Variants in RYR3 observed in about 807,000 individuals in gnomAD.
RYR3 encodes ryanodine receptor 3, also known as brain ryanodine receptor-calcium release channel.
RYR3 carries 207 observed loss-of-function variants against 584.3 expected under a neutral mutation model. The ratio of observed to expected loss-of-function variants is 0.35; its 90% CI spans 0.32 to 0.40. The LOEUF is 0.40. RYR3 is among the 10% of genes least tolerant of loss of function. RYR3 has a pLI of 1.00. For missense variants in RYR3, 5,616 were observed against 6,089.2 expected (o/e 0.92, Z 2.59); for synonymous variants, 2,416 against 2,248.5 (o/e 1.07, Z -2.11).
chr15:33,713,730 G>A (rs1235292009), intron 43 of RYR3, among the ~76,000 whole-genome samples: 1 of 152,166 alleles, frequency 6.6e-6, no homozygotes, highest in African/African-American at 2.4e-5. Flanking sequence ...TGAAAGCTGG[G>A]AAGTCCAGGA....
At position 33,323,774 on chromosome 15, in the gene RYR3, A is replaced by T. The variant is rs1969324645; in HGVS notation, c.51+12678A>T. Among the ~76,000 whole-genome samples the T allele has an allele frequency of 2.0e-5, 3 of 152,126 alleles. No individual in the cohort carries two copies. The South Asian group carries it at 6.2e-4, about 32-fold the overall frequency. On this transcript the variant is annotated intron_variant, in intron 1 of 103. Transcript: ENST00000634891. ...TGTGCTTGACTCCCAGCTGTTTGGGAGGTGGTAACTTTGACTGTCCCCTGG... is the reference window on the plus strand; with the variant it reads ...TGTGCTTGACTCCCAGCTGTTTGGGTGGTGGTAACTTTGACTGTCCCCTGG...
intron 27 of RYR3, among the ~76,000 whole-genome samples, chr15:33,643,332 C>A (rs1297125706): frequency 6.6e-6 from 1 of 152,188 alleles, no homozygotes; most frequent in Admixed American, 6.5e-5. Context: ...ACATAATTAG[C>A]GCTTTCCCTG....
intron 3 of RYR3, among the ~76,000 whole-genome samples, chr15:33,509,535 A>C (rs2052785458): frequency 6.6e-6 from 1 of 152,236 alleles, no homozygotes; most frequent in Admixed American, 6.5e-5. Context: ...CCATTTTTAC[A>C]TGTTTTAATA....
At chr15:33,777,945 G>A (rs916828398) in intron 64 of RYR3, among the ~76,000 whole-genome samples, 3 of 152,044 alleles carry the variant, frequency 2.0e-5, no homozygotes, top group South Asian at 2.1e-4. Context: ...AGAGGCGGGC[G>A]GATCACCTGA....
rs1456508769 is a variant in RYR3 at position 33,662,368 on chromosome 15, T to A, written c.4838T>A (p.Ile1613Asn). ...GGTTTCTATGACCTGCTCATCAGCA[T>A]CCACCTGGCCAGCGCCAAGGAGAGG... ...RSGFYDLLIS[I>N]HLASAKERKL... The change falls in exon 35 of 104, where the codon ATC (isoleucine) becomes AAC (asparagine). Residue 1613 changes from isoleucine (I) to asparagine (N), a missense_variant. Ile to Asn is a moderately radical substitution (Grantham distance 149). Around this residue, in one of 9 missense-constraint regions of RYR3, gnomAD observed 753 missense variants for 741.0 expected, o/e 1.02. Transcript: ENST00000634891. 4 of 1,613,042 alleles carry A rather than the reference T, an allele frequency of 2.5e-6. No individual in the cohort carries two copies. The highest frequency in any genetic ancestry group is 1.1e-5 in the South Asian group (1 of 90,798).
chr15:33,350,325 C>T (rs1973072651), intron 1 of RYR3, among the ~76,000 whole-genome samples: 1 of 152,070 alleles, frequency 6.6e-6, no homozygotes, highest in Admixed American at 6.6e-5. Context: ...GCTTTAACAC[C>T]CCACTGCCAA....
chr15:33,632,951 A>G lies in RYR3; in HGVS notation c.2870A>G (p.Tyr957Cys), dbSNP rs750879790. Residue 957 changes from tyrosine (Y) to cysteine (C), a missense_variant and splice_region_variant, in exon 24 of 104, where the codon TAT becomes TGT. Coordinates refer to ENST00000634891, the MANE Select transcript of RYR3 (RefSeq NM_001036.6). ...TATACTTTTACATTTACTTGTAGCT[A>G]TATGATGTCCAACGGCTATAAGCCA... ...DLKKVKLPKN[Y>C]MMSNGYKPAP... 27 of 1,611,474 alleles carry G rather than the reference A, an allele frequency of 1.7e-5. No individual in the cohort carries two copies. The South Asian group carries it at 2.7e-4, about 16-fold the overall frequency.
At chr15:33,765,173 A>G (rs978399130) in intron 60 of RYR3, among the ~76,000 whole-genome samples, 5 of 152,160 alleles carry the variant, frequency 3.3e-5, no homozygotes, top group Non-Finnish European at 7.3e-5. Flanking sequence ...TACTCATTCC[A>G]CTAGGTTAAC....
chr15:33,493,333 T>C (rs551280085), intron 2 of RYR3, among the ~76,000 whole-genome samples: 4 of 152,336 alleles, frequency 2.6e-5, no homozygotes, highest in African/African-American at 9.6e-5. Flanking sequence ...TTTTCTGATA[T>C]GCAAGCTCTT....
intron 2 of RYR3, among the ~76,000 whole-genome samples, chr15:33,496,600 A>G (rs1268805263): frequency 1.3e-5 from 2 of 152,216 alleles, no homozygotes; most frequent in East Asian, 1.9e-4. Context: ...TGCTACTTCA[A>G]TTAATGAAAT....
At chr15:33,468,011 A>G (rs1181387205) in intron 1 of RYR3, among the ~76,000 whole-genome samples, 1 of 152,066 alleles carries the variant, frequency 6.6e-6, no homozygotes, top group African/African-American at 2.4e-5. Context: ...ATTCATACCT[A>G]TTGCTAAGGT....
intron 7 of RYR3, 140 bp from the exon 8 acceptor site, chr15:33,543,482 G>A (rs989789317): frequency 7.6e-6 from 5 of 654,846 alleles, no homozygotes; most frequent in African/African-American, 7.2e-5. Context: ...CTGCATTCAT[G>A]GAATATGTAG....
chr15:33,677,008 AC>A (rs2064228048), intron 38 of RYR3, among the ~76,000 whole-genome samples: 1 of 152,030 alleles, frequency 6.6e-6, no homozygotes, highest in Admixed American at 6.6e-5. Flanking sequence ...ACTTCACCTT[AC>A]CTCGTTTGAT....
chr15:33,315,206 T>C (rs1304047009), intron 1 of RYR3, among the ~76,000 whole-genome samples: 1 of 152,172 alleles, frequency 6.6e-6, no homozygotes, highest in Non-Finnish European at 1.5e-5. Context: ...TCACGTGAGC[T>C]CATGTCTCTC....
At chr15:33,796,173 C>T (rs572000562) in intron 67 of RYR3, among the ~76,000 whole-genome samples, 5 of 152,144 alleles carry the variant, frequency 3.3e-5, no homozygotes, top group Non-Finnish European at 5.9e-5. Flanking sequence ...CTCGCTCTGT[C>T]GCCCAGGCTG....
In RYR3 at chr15:33,785,754, G is replaced by A; in HGVS notation, c.9361G>A (p.Gly3121Arg). 2 of 1,613,948 alleles carry A rather than the reference G, an allele frequency of 1.2e-6. No individual in the cohort carries two copies. Among genetic ancestry groups the A allele is most frequent in the Non-Finnish European group, 8.5e-7 (1 of 1,179,852 alleles). ...GGAAATCAACGACCTGGCCGAGTCA[G>A]GGGCCCGGTACACAGAGATGCCCCA... ...MKEINDLAES[G>R]ARYTEMPHVI... is the part of the protein sequence containing the mutation. Residue 3121 changes from glycine (G) to arginine (R), a missense_variant, in exon 66 of 104, where the codon GGG becomes AGG. Coordinates refer to ENST00000634891, the MANE Select transcript of RYR3 (RefSeq NM_001036.6).
chr15:33,706,857 GT>G, intron 42 of RYR3, 61 bp from the exon 43 acceptor site: 1 of 1,473,782 alleles, frequency 6.8e-7, no homozygotes, highest in Non-Finnish European at 9.2e-7. Flanking sequence ...ATTTTTTGAG[GT>G]GTGTTTTTTA....
At chr15:33,576,110 A>G (rs1211701372) in intron 12 of RYR3, among the ~76,000 whole-genome samples, 1 of 152,210 alleles carries the variant, frequency 6.6e-6, no homozygotes, top group Non-Finnish European at 1.5e-5. Context: ...AAATTGAGGC[A>G]GTAATAAATA....
chr15:33,758,336 G>A (rs1237240142), intron 60 of RYR3, among the ~76,000 whole-genome samples: 1 of 152,154 alleles, frequency 6.6e-6, no homozygotes, highest in African/African-American at 2.4e-5. Context: ...AGGAAGCCAA[G>A]TAGACTTGCT....
Sources: allele counts gnomAD v4.1 joint callset (sites outside exome capture counted in the v4.1 genomes callset), GRCh38; gene constraint gnomAD v4.1.1; regional missense constraint gnomAD v4.1.1; transcripts MANE v1.5; gene names NCBI Gene and HGNC (gene_info 2026-07-23, HGNC 2026-07-21).